Variants in MZT2A observed in about 807,000 individuals in gnomAD.
The protein encoded by MZT2A is mitotic-spindle organizing protein 2A.
Under a neutral mutation model 12.4 loss-of-function variants are expected in MZT2A, and 8 were observed. That is an observed-to-expected ratio of 0.64 (90% CI 0.38 to 1.16). MZT2A has a LOEUF of 1.16. Ranked by LOEUF, MZT2A falls within the 50% of genes most tolerant of loss-of-function variation. MZT2A has a pLI of 0.01. For synonymous variants in MZT2A, 88 were observed against 107.5 expected, an observed-to-expected ratio of 0.82 and a Z score of 1.12; for missense variants, 181 against 223.6, an observed-to-expected ratio of 0.81 and a Z score of 1.22.
At chr2:131,489,087 C>T (rs1176710078) in intron 2 of MZT2A, among the ~76,000 whole-genome samples, 1 of 152,240 alleles carries the variant, frequency 6.6e-6, no homozygotes, top group Non-Finnish European at 1.5e-5. Context: ...CCAGCTCACA[C>T]GTGTGGGGCT....
At chr2:131,491,027 C>T (rs571052195) in intron 2 of MZT2A, 4 of 1,372,850 alleles carry the variant, frequency 2.9e-6, no homozygotes, top group African/African-American at 2.9e-5. Context: ...ATGAAGGCAG[C>T]CTGCTTTCCA....
chr2:131,482,969 C>G, downstream of MZT2A: 2 of 1,492,642 alleles, frequency 1.3e-6, no homozygotes, highest in Non-Finnish European at 1.8e-6. Context: ...GCTCTGCCTA[C>G]AGGAGCCGGT....
At chr2:131,491,141 G>C (rs1679279649) in intron 2 of MZT2A, 2 of 587,568 alleles carry the variant, frequency 3.4e-6, no homozygotes, top group South Asian at 1.9e-5. Context: ...ATTTCAGAGA[G>C]AGCCATCGGG....
chr2:131,474,495 C>T (rs564134757), intron 2 of MZT2A, among the ~76,000 whole-genome samples: 29 of 150,334 alleles, frequency 1.9e-4, no homozygotes, highest in African/African-American at 4.2e-4. Flanking sequence ...CTGCAAACTC[C>T]GCCTCCCGGG....
At chr2:131,471,918 G>A in intron 3 of MZT2A, 1 of 659,742 alleles carries the variant, frequency 1.5e-6, no homozygotes, top group South Asian at 2.7e-5. Context: ...AGGGGCCCTA[G>A]AACCAGGCTT....
chr2:131,484,460 C>A (rs1426809902), intron 2 of MZT2A, among the ~76,000 whole-genome samples: 1 of 152,206 alleles, frequency 6.6e-6, no homozygotes, highest in Non-Finnish European at 1.5e-5. Context: ...CGAAGCCACG[C>A]AAGGAGCACA....
chr2:131,488,779 G>T (rs376768070), intron 2 of MZT2A, among the ~76,000 whole-genome samples: 1 of 151,260 alleles, frequency 6.6e-6, no homozygotes, highest in African/African-American at 2.4e-5. Context: ...CCCTCATGTC[G>T]TGGCTTTCTG....
chr2:131,480,858 G>C, downstream of MZT2A: 1 of 1,440,088 alleles, frequency 6.9e-7, no homozygotes, highest in Non-Finnish European at 9.4e-7. Flanking sequence ...CCATGGGCTA[G>C]GCATGTGGGC....
chr2:131,493,109 C>G, upstream of MZT2A: 2 of 1,490,924 alleles, frequency 1.3e-6, no homozygotes, highest in Non-Finnish European at 1.8e-6. Flanking sequence ...CGGCTTCCAC[C>G]TCTGAAGCGG....
chr2:131,478,158 T>C (rs756404051), intron 2 of MZT2A: 19 of 1,611,204 alleles, frequency 1.2e-5, no homozygotes, highest in Non-Finnish European at 1.5e-5. Flanking sequence ...ATGTTCCTGT[T>C]CACAGCGCGA....
At chr2:131,476,145 G>A in intron 2 of MZT2A, 1 of 1,612,974 alleles carries the variant, frequency 6.2e-7, no homozygotes, top group Non-Finnish European at 8.5e-7. Flanking sequence ...CTCAGCAGCT[G>A]TGGCAGCCGG....
chr2:131,487,113 G>C (rs1325679014), intron 2 of MZT2A, among the ~76,000 whole-genome samples: 8 of 152,150 alleles, frequency 5.3e-5, no homozygotes, highest in African/African-American at 9.7e-5. Flanking sequence ...CAGGGTGACT[G>C]ATGCCCCTAC....
chr2:131,492,974 T>C (rs1679412165), upstream of MZT2A: 1 of 1,521,622 alleles, frequency 6.6e-7, no homozygotes, highest in East Asian at 2.5e-5. Flanking sequence ...GCCGGCCTTC[T>C]TCGCTTTGCG....
chr2:131,482,443 G>A (rs1367651424), downstream of MZT2A: 1 of 1,480,326 alleles, frequency 6.8e-7, no homozygotes, highest in East Asian at 2.3e-5. Context: ...GAGGTGAACT[G>A]AGCATTCTCC....
At chr2:131,482,878 AC>A, downstream of MZT2A, 1 of 1,597,374 alleles carries the variant, frequency 6.3e-7, no homozygotes, top group Middle Eastern at 1.7e-4. Context: ...CTCCCCTGCC[AC>A]CCCCGGGATG....
chr2:131,487,975 C>T (rs930024481), intron 2 of MZT2A, among the ~76,000 whole-genome samples: 1 of 152,196 alleles, frequency 6.6e-6, no homozygotes, highest in African/African-American at 2.4e-5. Flanking sequence ...CTGTGTTGCC[C>T]TGGCTAGTCC....
chr2:131,491,547 A>G (rs1463245155), intron 2 of MZT2A: 6 of 480,790 alleles, frequency 1.2e-5, no homozygotes, highest in African/African-American at 2.0e-5. Context: ...GGCGTGAGCC[A>G]CGGCGCCCAG....
At chr2:131,490,529 C>G (rs759550319) in intron 2 of MZT2A, 8 of 1,465,198 alleles carry the variant, frequency 5.5e-6, no homozygotes, top group Non-Finnish European at 7.2e-6. Context: ...GGTCTAGAGA[C>G]TGCCACACCA....
chr2:131,476,634 A>C (rs1245398419), intron 2 of MZT2A, among the ~76,000 whole-genome samples: 1 of 152,124 alleles, frequency 6.6e-6, no homozygotes, highest in Non-Finnish European at 1.5e-5. Context: ...TGCCTTGTTC[A>C]CCTAAAGGCA....
Sources: gnomAD v4.1 joint callset for allele counts (sites outside exome capture counted in the v4.1 genomes callset) on GRCh38, gnomAD v4.1.1 for gene constraint, MANE v1.5 for transcripts, NCBI Gene and HGNC (gene_info 2026-07-23, HGNC 2026-07-21) for gene names.